ATP2B2: variants seen among roughly 807,000 people sequenced by gnomAD.
ATP2B2 encodes plasma membrane calcium-transporting ATPase 2.
Under a neutral mutation model 120.0 loss-of-function variants are expected in ATP2B2, and 15 were observed. The observed-to-expected ratio is 0.12, with a 90% confidence interval of 0.08 to 0.19. The LOEUF is 0.19. Ranked by LOEUF, ATP2B2 falls within the 10% of genes least tolerant of loss-of-function variation. The pLI, the probability that ATP2B2 is intolerant of heterozygous loss-of-function variation, is 1.00. For synonymous variants in ATP2B2, 694 were observed against 700.3 expected, an observed-to-expected ratio of 0.99 and a Z score of 0.14; for missense variants, 1,045 against 1,719.8, an observed-to-expected ratio of 0.61 and a Z score of 6.94.
rs1406156175 is a variant in ATP2B2 at position 10,385,264 on chromosome 3, A to G, written c.1000+4T>C. ...TGACCAGGAGCTCGCCGTGGGAGACATACCATTGACTAGGCTGGCATTCGC... is the reference window on the plus strand; with the variant it reads ...TGACCAGGAGCTCGCCGTGGGAGACGTACCATTGACTAGGCTGGCATTCGC... On this transcript the variant is annotated splice_donor_region_variant and intron_variant, in intron 8 of 22. Transcript: ENST00000360273. 1.9e-6 allele frequency: 3 copies of G among 1,613,564 alleles called. No individual in the cohort carries two copies. The Admixed American group carries it at 5.0e-5, about 27-fold the overall frequency.
chr3:10,610,880 A>G (rs1268454605), intron 2 of ATP2B2, among the ~76,000 whole-genome samples: 8 of 152,312 alleles, frequency 5.3e-5, no homozygotes, highest in Admixed American at 1.3e-4. Flanking sequence ...CTGGCATGCC[A>G]AGAGACTGTG....
intron 1 of ATP2B2, among the ~76,000 whole-genome samples, chr3:10,700,977 T>A (rs2071809206): frequency 6.6e-6 from 1 of 152,244 alleles, no homozygotes; most frequent in African/African-American, 2.4e-5. Flanking sequence ...AAGTAAGGCA[T>A]GTGGCTATGA....
At chr3:10,484,976 C>T (rs1221853868) in intron 1 of ATP2B2, among the ~76,000 whole-genome samples, 5 of 152,214 alleles carry the variant, frequency 3.3e-5, no homozygotes, top group Non-Finnish European at 7.3e-5. Flanking sequence ...GCCCTGGGCA[C>T]AGTGCCTGGC....
At chr3:10,605,262 C>A (rs1419528775) in intron 2 of ATP2B2, among the ~76,000 whole-genome samples, 3 of 152,214 alleles carry the variant, frequency 2.0e-5, no homozygotes, top group African/African-American at 7.2e-5. Context: ...ATGTGCTGGG[C>A]TCCAGGCTAA....
At chr3:10,466,715 C>T (rs1416630524) in intron 1 of ATP2B2, among the ~76,000 whole-genome samples, 1 of 152,202 alleles carries the variant, frequency 6.6e-6, no homozygotes, top group Non-Finnish European at 1.5e-5. Context: ...CAGGTTTACC[C>T]TGAACCCAAT....
intron 3 of ATP2B2, among the ~76,000 whole-genome samples, chr3:10,408,854 G>A (rs978548403): frequency 1.3e-5 from 2 of 152,156 alleles, no homozygotes; most frequent in African/African-American, 2.4e-5. Context: ...CCATGTATCC[G>A]AGCTGATTCA....
chr3:10,395,335 G>A (rs1311166364), intron 5 of ATP2B2, among the ~76,000 whole-genome samples: 1 of 152,242 alleles, frequency 6.6e-6, no homozygotes, highest in East Asian at 1.9e-4. Flanking sequence ...GGAGAACGCT[G>A]CAGGCACAAT....
chr3:10,626,257 T>TA (rs2069695574), intron 1 of ATP2B2: 1 of 152,210 alleles, frequency 6.6e-6, no homozygotes, highest in Admixed American at 6.5e-5. Flanking sequence ...TGAGACAGGG[T>TA]AAAGGGCTCA....
chr3:10,400,873 C>T (rs1196484739), intron 5 of ATP2B2, 80 bp downstream of exon 5: 1 of 1,602,800 alleles, frequency 6.2e-7, no homozygotes, highest in African/African-American at 1.3e-5. Context: ...CTCTGAGTCC[C>T]TTCAGCCTCA....
intron 2 of ATP2B2, among the ~76,000 whole-genome samples, chr3:10,605,089 C>T (rs1054801612): frequency 3.3e-5 from 5 of 152,206 alleles, no homozygotes; most frequent in Non-Finnish European, 5.9e-5. Context: ...AAAGCATCCT[C>T]GTTTATTAAT....
chr3:10,575,737 C>G (rs1026971188), intron 2 of ATP2B2, among the ~76,000 whole-genome samples: 3 of 152,140 alleles, frequency 2.0e-5, no homozygotes, highest in African/African-American at 7.2e-5. Flanking sequence ...GCTGGCAGCC[C>G]TCTGTTGTCT....
intron 12 of ATP2B2, among the ~76,000 whole-genome samples, chr3:10,366,447 T>C (rs868212803): frequency 2.0e-5 from 3 of 152,166 alleles, no homozygotes; most frequent in Non-Finnish European, 4.4e-5. Flanking sequence ...GGGGAATCCT[T>C]CCTTCAGAAC....
chr3:10,626,184 G>A (rs2069693324), intron 1 of ATP2B2: 1 of 152,220 alleles, frequency 6.6e-6, no homozygotes, highest in African/African-American at 2.4e-5. Context: ...CAGCAGAGAT[G>A]GGTACACTGA....
intron 2 of ATP2B2, among the ~76,000 whole-genome samples, chr3:10,557,329 A>G: frequency 6.6e-6 from 1 of 152,232 alleles, no homozygotes; most frequent in East Asian, 1.9e-4. Flanking sequence ...TTCATCAGAA[A>G]AGTCAAGCTG....
chr3:10,468,676 C>T (rs1332122033), intron 1 of ATP2B2, among the ~76,000 whole-genome samples: 2 of 152,218 alleles, frequency 1.3e-5, no homozygotes, highest in Non-Finnish European at 2.9e-5. Context: ...AAGTGACCTG[C>T]TTGATACAGG....
At chr3:10,476,941 T>C (rs918988078) in intron 1 of ATP2B2, among the ~76,000 whole-genome samples, 14 of 152,184 alleles carry the variant, frequency 9.2e-5, no homozygotes, top group African/African-American at 3.4e-4. Flanking sequence ...ACTCAGAGGC[T>C]CATCTGCTTG....
At chr3:10,586,815 G>C (rs1002309707) in intron 2 of ATP2B2, among the ~76,000 whole-genome samples, 4 of 152,140 alleles carry the variant, frequency 2.6e-5, no homozygotes, top group Non-Finnish European at 5.9e-5. Context: ...TGCACATTTT[G>C]CTTAAACACA....
intron 12 of ATP2B2, among the ~76,000 whole-genome samples, chr3:10,367,107 G>A (rs1014896504): frequency 6.6e-6 from 1 of 152,126 alleles, no homozygotes; most frequent in African/African-American, 2.4e-5. Context: ...CCCATTAGGG[G>A]CTTATTTGCT....
Position 10,325,590 on chromosome 3 carries a change from C to T in ATP2B2, c.*3224G>A, listed in dbSNP as rs1296490198. 1.3e-5 allele frequency: 2 copies of T among 152,168 alleles called. No homozygotes were observed. Among genetic ancestry groups the T allele is most frequent in the Non-Finnish European group, 2.9e-5 (2 of 68,040 alleles). 9.4% of individuals were successfully genotyped at this position (152,168 alleles called of 1,614,324 possible). ...GGTCCAGTCTCAGAAATAGGACTGC[C>T]TCTCTCTTGTCATCTCTATGCTATG... is the stretch of plus-strand genomic sequence containing the variant. On this transcript the variant is annotated 3_prime_UTR_variant, in exon 23 of 23. Transcript: ENST00000360273.
Sources: allele counts gnomAD v4.1 joint callset (sites outside exome capture counted in the v4.1 genomes callset), GRCh38; gene constraint gnomAD v4.1.1; transcripts MANE v1.5; gene names NCBI Gene and HGNC (gene_info 2026-07-23, HGNC 2026-07-21).